The following HDLBP variants were observed in gnomAD, a reference collection of about 807,000 sequenced individuals.
HDLBP encodes high density lipoprotein binding protein, also known as vigilin.
Under a neutral mutation model 137.3 loss-of-function variants are expected in HDLBP, and 30 were observed. The ratio of observed to expected loss-of-function variants is 0.22; its 90% CI spans 0.16 to 0.30. The LOEUF (loss-of-function observed/expected upper bound fraction) is 0.30. Among genes scored for constraint, HDLBP ranks in the 10% least tolerant of loss-of-function variants. HDLBP has a pLI of 1.00. For missense variants in HDLBP, 1,119 were observed against 1,667.3 expected, an observed-to-expected ratio of 0.67 and a Z score of 5.73; for synonymous variants, 606 against 596.0, an observed-to-expected ratio of 1.02 and a Z score of -0.24.
chr2:241,242,523 G>T lies in HDLBP; in HGVS notation c.2106C>A (p.Ile702=). Residue 702 remains isoleucine, a synonymous_variant, in exon 17 of 28, where the codon ATC becomes ATA. Transcript: ENST00000310931. ...VEGSGSDTVV[I]RGPSSDVEKA... is the part of the protein sequence containing the mutation. The stretch of plus-strand genomic sequence containing the variant: ...TCTCCACATCCGAGGAAGGGCCCCT[G>T]ATAACAACGGTGTCGCTTCCTGAAC... 3 of 1,614,168 alleles carry T rather than the reference G, an allele frequency of 1.9e-6. No individual in the cohort carries two copies. Among genetic ancestry groups the T allele is most frequent in the Non-Finnish European group, 2.5e-6 (3 of 1,180,036 alleles).
chr2:241,230,636 G>A lies in HDLBP; in HGVS notation c.3474+123C>T, dbSNP rs1202572927. On this transcript the variant is annotated intron_variant, in intron 25 of 27. Transcript: ENST00000310931. The surrounding 1 kb of genome is among the most constrained non-coding windows in gnomAD (Gnocchi z 5.0). Reference sequence around the variant, plus strand: ...TGGTGTCCATGAGGACAGTTCCACTGCCAGCCCTGGGGTTGTGGCCTCATC... The same window carrying A: ...TGGTGTCCATGAGGACAGTTCCACTACCAGCCCTGGGGTTGTGGCCTCATC... The A allele has an allele frequency of 1.1e-5, 9 of 844,220 alleles. No homozygotes were observed. Among genetic ancestry groups the A allele is most frequent in the South Asian group, 3.3e-5 (2 of 60,344 alleles). The allele number at this position is 844,220 out of a possible 1,614,324, so 52.3% of individuals were successfully genotyped here.
At chr2:241,296,457 T>C (rs1372481867) in intron 1 of HDLBP, among the ~76,000 whole-genome samples, 1 of 152,188 alleles carries the variant, frequency 6.6e-6, no homozygotes, top group Non-Finnish European at 1.5e-5. Flanking sequence ...CAACAACATA[T>C]ACTGTAAAAA....
Position 241,248,274 on chromosome 2 carries a change from C to A in HDLBP, c.1587G>T (p.Arg529=). Residue 529 remains arginine, a synonymous_variant, in exon 13 of 28, where the codon CGG becomes CGT. Coordinates refer to ENST00000310931, the MANE Select transcript of HDLBP (RefSeq NM_005336.6). ...GGAATTTGTCACGAATTTCACGGAT[C>A]CGTTCACCCTTCTGCCCAATGATTG... The part of the protein sequence containing the change: ...HRTIIGQKGE[R]IREIRDKFPE... The A allele has an allele frequency of 6.2e-7, 1 of 1,614,066 alleles. No homozygotes were observed. The highest frequency in any genetic ancestry group is 8.5e-7 in the Non-Finnish European group (1 of 1,179,904).
chr2:241,275,178 C>T (rs1175009697), intron 1 of HDLBP, among the ~76,000 whole-genome samples: 9 of 134,184 alleles, frequency 6.7e-5, no homozygotes, highest in African/African-American at 3.6e-4. Flanking sequence ...GAAAGCAATT[C>T]CCCCCCACCC....
chr2:241,289,372 T>C (rs1358378904), intron 1 of HDLBP, among the ~76,000 whole-genome samples: 1 of 152,180 alleles, frequency 6.6e-6, no homozygotes, highest in Non-Finnish European at 1.5e-5. Context: ...CTTTTGGATA[T>C]AAAGACTCCC....
intron 1 of HDLBP, among the ~76,000 whole-genome samples, chr2:241,300,982 A>C (rs551855346): frequency 9.3e-6 from 1 of 107,788 alleles, no homozygotes; most frequent in African/African-American, 3.0e-5. Flanking sequence ...TATTATTATT[A>C]TTATTATTAT....
rs2069440820 is a variant in HDLBP, at chr2:241,229,344, G to A, written c.*257C>T. ...TGACATGCCGGGTGGACCAGGAGCTGGAGTCTGTTATCTTAGCACGAATGC... is the reference window on the plus strand; with the variant it reads ...TGACATGCCGGGTGGACCAGGAGCTAGAGTCTGTTATCTTAGCACGAATGC... On this transcript the variant is annotated 3_prime_UTR_variant, in exon 28 of 28. Coordinates refer to ENST00000310931, the MANE Select transcript of HDLBP (RefSeq NM_005336.6). 1 of 404,682 alleles carries A rather than the reference G, an allele frequency of 2.5e-6. No homozygotes were observed. Among genetic ancestry groups the A allele is most frequent in the Admixed American group, 4.1e-5 (1 of 24,504 alleles). The allele number at this position is 404,682 out of a possible 1,614,324, so 25.1% of individuals were successfully genotyped here. A position where few individuals can be genotyped will look rare whatever the true frequency, so the allele number is the denominator to read the frequency against.
At chr2:241,280,149 T>C (rs1016524193) in intron 1 of HDLBP, 9 of 981,168 alleles carry the variant, frequency 9.2e-6, no homozygotes, top group African/African-American at 1.7e-5. Flanking sequence ...CTGAGTGTGG[T>C]GGTCAAAGTC....
intron 20 of HDLBP, among the ~76,000 whole-genome samples, chr2:241,237,872 G>C (rs2070750608): frequency 6.6e-6 from 1 of 152,220 alleles, no homozygotes; most frequent in South Asian, 2.1e-4. Flanking sequence ...GAGTTTATTA[G>C]TTTCCTACTC....
intron 1 of HDLBP, among the ~76,000 whole-genome samples, chr2:241,309,018 C>T (rs918345423): frequency 2.6e-5 from 4 of 152,072 alleles, no homozygotes; most frequent in African/African-American, 7.2e-5. Flanking sequence ...ACAGTCCTGC[C>T]CCCGTGCTTT....
intron 16 of HDLBP, 100 bp from the exon 17 acceptor site, chr2:241,242,778 G>A: frequency 9.5e-7 from 1 of 1,054,526 alleles, no homozygotes; most frequent in East Asian, 2.6e-5. Context: ...TGAACACGCA[G>A]GCCTAGAGCC....
Position 241,229,414 on chromosome 2 carries a change from G to A in HDLBP, c.*187C>T, listed in dbSNP as rs117069991. 1,799 of 550,392 alleles carry A rather than the reference G, an allele frequency of 3.3e-3. 59 individuals carry two copies. The East Asian group carries it at 0.055, about 17-fold the overall frequency. The allele number at this position is 550,392 out of a possible 1,614,324, so 34.1% of individuals were successfully genotyped here. On this transcript the variant is annotated 3_prime_UTR_variant, in exon 28 of 28. Transcript: ENST00000310931. ...TTAAACAGTGGAGCAGGTCCTGAGC[G>A]GGCACGGCCAGGCCTGGAGGAGCGG...
intron 17 of HDLBP, among the ~76,000 whole-genome samples, chr2:241,241,483 C>T (rs1367253180): frequency 7.4e-6 from 1 of 135,604 alleles, no homozygotes; most frequent in African/African-American, 2.7e-5. Context: ...AGGAGAATGG[C>T]GTGAACCCAG....
chr2:241,249,258 C>G (rs925244902), intron 12 of HDLBP: 2 of 465,902 alleles, frequency 4.3e-6, no homozygotes, highest in African/African-American at 2.0e-5. Context: ...GTTCCTCACA[C>G]AGTCAGGCCA....
At chr2:241,242,253 C>T (rs546186764) in intron 17 of HDLBP, among the ~76,000 whole-genome samples, 1 of 152,308 alleles carries the variant, frequency 6.6e-6, no homozygotes, top group Admixed American at 6.5e-5. Context: ...CAAAGACCAA[C>T]TTTTATATAT....
chr2:241,233,215 A>G lies in HDLBP; in HGVS notation c.3288+605T>C, dbSNP rs1246572655. Among the ~76,000 whole-genome samples, 4 of 152,246 alleles carry G rather than the reference A, an allele frequency of 2.6e-5. No individual in the cohort carries two copies. The East Asian group carries it at 7.7e-4, about 29-fold the overall frequency. ...GAGCCAGGAAAGACCAAGCCTGGGA[A>G]GTGTGTGCAAGAGGGGGTGTTGGGT... On this transcript the variant is annotated intron_variant, in intron 24 of 27. Coordinates refer to ENST00000310931, the MANE Select transcript of HDLBP (RefSeq NM_005336.6). This position sits in a 1 kb window ranked among gnomAD's most constrained non-coding sequence, Gnocchi z 4.3.
At chr2:241,235,294 A>G in intron 22 of HDLBP, 39 bp from the exon 23 acceptor site, 1 of 1,613,888 alleles carries the variant, frequency 6.2e-7, no homozygotes, top group Non-Finnish European at 8.5e-7. Context: ...TCAGGACCCC[A>G]GAGAACAGGA....
In HDLBP at chr2:241,229,487, G is replaced by T; in HGVS notation, c.*114C>A. The T allele has an allele frequency of 1.3e-6, 1 of 770,312 alleles. No individual in the cohort carries two copies. The highest frequency in any genetic ancestry group is 2.1e-6 in the Non-Finnish European group (1 of 467,248). 47.7% of individuals were successfully genotyped at this position (770,312 alleles called of 1,614,324 possible). On this transcript the variant is annotated 3_prime_UTR_variant, in exon 28 of 28. Coordinates refer to ENST00000310931, the MANE Select transcript of HDLBP (RefSeq NM_005336.6). ...GGCTCCCTGCGGGACCTCGGGAAGG[G>T]GGAAGAGCGTCAACAATTTACGGAG...
Position 241,247,125 on chromosome 2 carries a change from T to G in HDLBP, c.1749A>C (p.Ser583=). The change falls in exon 15 of 28, where the codon TCA becomes TCC. Residue 583 remains serine, a synonymous_variant. Coordinates refer to ENST00000310931, the MANE Select transcript of HDLBP (RefSeq NM_005336.6). ...MVADLVENSY[S]ISVPIFKQFH... ...ACTGTTTGAAGATCGGAACAGAAAT[T>G]GAATAGCTATTTTCCACCTTAAAGA... 1.2e-6 allele frequency: 2 copies of G among 1,611,256 alleles called. No individual in the cohort carries two copies. The highest frequency in any genetic ancestry group is 4.5e-5 in the East Asian group (2 of 44,874).
Sources: gnomAD v4.1 joint callset for allele counts (sites outside exome capture counted in the v4.1 genomes callset) on GRCh38, gnomAD v4.1.1 for gene constraint, Gnocchi (gnomAD v3.1) non-coding constraint, MANE v1.5 for transcripts, NCBI Gene and HGNC (gene_info 2026-07-23, HGNC 2026-07-21) for gene names.